The following DRD3 variants were observed in gnomAD, a reference collection of about 807,000 sequenced individuals.
The protein encoded by DRD3 is D(3) dopamine receptor.
Under a neutral mutation model 36.3 loss-of-function variants are expected in DRD3, and 19 were observed. That is an observed-to-expected ratio of 0.52 (90% CI 0.36 to 0.77). The LOEUF (loss-of-function observed/expected upper bound fraction) is 0.77. Among genes scored for constraint, DRD3 ranks in the 30% least tolerant of loss-of-function variants. The probability of loss-of-function intolerance (pLI) is 0.00; values close to 1 mark genes in which losing one functional copy is unlikely to be tolerated. For synonymous variants in DRD3, 195 were observed against 203.7 expected (o/e 0.96, Z 0.36); for missense variants, 465 against 505.3 (o/e 0.92, Z 0.77).
chr3:114,179,971 T>C (rs1032037947), upstream of DRD3, among the ~76,000 whole-genome samples: 2 of 152,144 alleles, frequency 1.3e-5, no homozygotes, highest in African/African-American at 4.8e-5. Flanking sequence ...TTTTTTACCA[T>C]CCTTAATTTA....
At chr3:114,181,673 A>G (rs572235302), upstream of DRD3, among the ~76,000 whole-genome samples, 1 of 152,260 alleles carries the variant, frequency 6.6e-6, no homozygotes, top group Admixed American at 6.5e-5. Flanking sequence ...TTCATCAGGG[A>G]AAGTCTTTAT....
At chr3:114,155,479 CT>C (rs923434314) in intron 3 of DRD3, among the ~76,000 whole-genome samples, 6 of 152,110 alleles carry the variant, frequency 3.9e-5, no homozygotes, top group African/African-American at 1.4e-4. Flanking sequence ...CAAAGTTACT[CT>C]TGTTGGTTGC....
intron 1 of DRD3, among the ~76,000 whole-genome samples, chr3:114,192,414 T>G (rs2078015722): frequency 6.6e-6 from 1 of 152,230 alleles, no homozygotes; most frequent in Admixed American, 6.5e-5. Context: ...TCTGTATTTA[T>G]GTATTGTCTG....
intron 3 of DRD3, among the ~76,000 whole-genome samples, chr3:114,149,741 G>A (rs1484900076): frequency 6.6e-6 from 1 of 152,246 alleles, no homozygotes; most frequent in Non-Finnish European, 1.5e-5. Flanking sequence ...ATGTTTTGGA[G>A]AGGGTCATTT....
chr3:114,160,354 C>T (rs1450612201), intron 2 of DRD3, among the ~76,000 whole-genome samples: 3 of 152,172 alleles, frequency 2.0e-5, no homozygotes, highest in African/African-American at 7.2e-5. Flanking sequence ...TCAAGTGATT[C>T]TCCTGCCTCA....
chr3:114,131,218 G>A lies in DRD3; in HGVS notation c.906C>T (p.Ser302=). Residue 302 remains serine, a synonymous_variant, in exon 6 of 7, where the codon AGC becomes AGT. Transcript: ENST00000383673. ...PKLSLEVRKL[S]NGRLSTSLKL... The stretch of plus-strand genomic sequence containing the variant: ...TCAAAGATGTCGATAATCTGCCATT[G>A]CTGAGTTTTCGAACTTCTAAGCTGA... 1 of 1,614,202 alleles carries A rather than the reference G, an allele frequency of 6.2e-7. No homozygotes were observed. Among genetic ancestry groups the A allele is most frequent in the Non-Finnish European group, 8.5e-7 (1 of 1,180,042 alleles).
At chr3:114,146,835 A>G (rs1461115202) in intron 4 of DRD3, among the ~76,000 whole-genome samples, 1 of 152,140 alleles carries the variant, frequency 6.6e-6, no homozygotes, top group Non-Finnish European at 1.5e-5. Context: ...TCAGACATAT[A>G]TATTGTCCAT....
chr3:114,197,978 G>C (rs71319400), intron 1 of DRD3, among the ~76,000 whole-genome samples: 1 of 152,082 alleles, frequency 6.6e-6, no homozygotes, highest in African/African-American at 2.4e-5. Context: ...CTACCAAAAA[G>C]TCTGCAGAGA....
At chr3:114,156,789 TTC>T (rs1309557393) in intron 3 of DRD3, among the ~76,000 whole-genome samples, 2 of 135,568 alleles carry the variant, frequency 1.5e-5, no homozygotes, top group Admixed American at 7.6e-5. Flanking sequence ...CTTTCTTTCT[TTC>T]TTTCTTTCTC....
In DRD3 at chr3:114,196,978, C is replaced by A. The variant is rs559124261; in HGVS notation, c.-156+2295G>T. ...TTTTTAAATTTATTTTTATTTTTTT[C>A]TTTTTTTCTTTTTTTTTTATTATAC... On this transcript the variant is annotated intron_variant, in intron 1 of 7. Coordinates refer to the DRD3 transcript ENST00000460779. 4.3e-3 allele frequency among the ~76,000 whole-genome samples: 630 copies of A among 146,782 alleles called. 3 individuals are homozygous for A. The highest frequency in any genetic ancestry group is 0.016 in the East Asian group (84 of 5,108).
intron 3 of DRD3, among the ~76,000 whole-genome samples, chr3:114,148,602 C>A (rs1244039711): frequency 1.3e-5 from 2 of 152,128 alleles, no homozygotes; most frequent in African/African-American, 4.8e-5. Context: ...TCCCCAACTC[C>A]CCAAACCTCT....
rs201118680 is a variant in DRD3 at position 114,131,251 on chromosome 3, C to A, written c.873G>T (p.Ala291=). 6.4e-5 allele frequency: 104 copies of A among 1,614,188 alleles called. No individual in the cohort carries two copies. Among genetic ancestry groups the A allele is most frequent in the Non-Finnish European group, 8.6e-5 (101 of 1,180,036 alleles). ...TTCGAACTTCTAAGCTGAGCTTGGGCGCTATGGTGGGACTCAGGGAATTCC... is the reference window on the plus strand; with the variant it reads ...TTCGAACTTCTAAGCTGAGCTTGGGAGCTATGGTGGGACTCAGGGAATTCC... ...KTRNSLSPTI[A]PKLSLEVRKL... The change falls in exon 6 of 7, where the codon GCG becomes GCT. Residue 291 remains alanine (A), a synonymous_variant. Coordinates refer to ENST00000383673, the MANE Select transcript of DRD3 (RefSeq NM_000796.6).
At position 114,159,859 on chromosome 3, in the gene DRD3, A is replaced by G; in HGVS notation, c.279T>C (p.Gly93=). The G allele has an allele frequency of 6.2e-7, 1 of 1,614,012 alleles. No homozygotes were observed. The highest frequency in any genetic ancestry group is 8.5e-7 in the Non-Finnish European group (1 of 1,179,894). ...MPWVVYLEVT[G]GVWNFSRICC... Reference sequence around the variant, plus strand: ...AAATGCGGCTGAAATTCCAGACTCCACCTGTCACCTGGGTATCAGAGACAA... The same window carrying G: ...AAATGCGGCTGAAATTCCAGACTCCGCCTGTCACCTGGGTATCAGAGACAA... The change falls in exon 3 of 7, where the codon GGT becomes GGC. Residue 93 remains glycine (G), a synonymous_variant. Coordinates refer to ENST00000383673, the MANE Select transcript of DRD3 (RefSeq NM_000796.6).
chr3:114,187,733 T>A (rs2107902006), intron 1 of DRD3, among the ~76,000 whole-genome samples: 1 of 152,354 alleles, frequency 6.6e-6, no homozygotes, highest in South Asian at 2.1e-4. Flanking sequence ...TCACTATCCC[T>A]GGAAATGTCC....
chr3:114,161,574 A>G (rs1040287040), intron 2 of DRD3, among the ~76,000 whole-genome samples: 6 of 152,202 alleles, frequency 3.9e-5, no homozygotes, highest in Non-Finnish European at 5.9e-5. Flanking sequence ...AAAAGCAACA[A>G]TGAAAATTAA....
In DRD3 at chr3:114,128,917, G is replaced by A. The variant is rs2077402108; in HGVS notation, c.1007-5C>T. ...GCCAGCAGACAATGAAGGCCCCTAA[G>A]TTGCCAAATAAGAGAGAAACTGGGT... On this transcript the variant is annotated splice_polypyrimidine_tract_variant and splice_region_variant and intron_variant, in intron 6 of 6. Coordinates refer to ENST00000383673, the MANE Select transcript of DRD3 (RefSeq NM_000796.6). The A allele has an allele frequency of 1.3e-5, 21 of 1,574,150 alleles. No individual in the cohort carries two copies. The highest frequency in any genetic ancestry group is 1.6e-5 in the Non-Finnish European group (19 of 1,160,806).
At chr3:114,168,117 G>A (rs908835462) in intron 2 of DRD3, among the ~76,000 whole-genome samples, 1 of 152,184 alleles carries the variant, frequency 6.6e-6, no homozygotes, top group South Asian at 2.1e-4. Context: ...TTGGAGTTAA[G>A]CTGTTTTAAA....
At chr3:114,182,738 G>A (rs955794862), upstream of DRD3, among the ~76,000 whole-genome samples, 9 of 152,016 alleles carry the variant, frequency 5.9e-5, no homozygotes, top group African/African-American at 2.2e-4. Context: ...CCTCATATAA[G>A]TGGAATCCTA....
At chr3:114,148,463 CCTTA>C (rs761654367) in intron 3 of DRD3, among the ~76,000 whole-genome samples, 66 of 152,240 alleles carry the variant, frequency 4.3e-4, no homozygotes, top group Non-Finnish European at 8.7e-4. Context: ...AAGCCCAGTT[CCTTA>C]CTATTATTGG....
Sources: allele counts gnomAD v4.1 joint callset (sites outside exome capture counted in the v4.1 genomes callset), GRCh38; gene constraint gnomAD v4.1.1; transcripts MANE v1.5; gene names NCBI Gene and HGNC (gene_info 2026-07-23, HGNC 2026-07-21).